Variants in RSRC1 observed in about 807,000 individuals in gnomAD.
RSRC1 encodes the protein serine/Arginine-related protein 53.
A neutral mutation model predicts 49.1 loss-of-function variants in RSRC1; 39 were observed. That is an observed-to-expected ratio of 0.79 (90% CI 0.61 to 1.04). The LOEUF (loss-of-function observed/expected upper bound fraction) is 1.04, where lower values mean the gene tolerates loss of function less well. Among genes scored for constraint, RSRC1 ranks in the 50% least tolerant of loss-of-function variants. The probability of loss-of-function intolerance (pLI) is 0.00; values close to 1 mark genes in which losing one functional copy is unlikely to be tolerated. For missense variants in RSRC1, 388 were observed against 402.4 expected (o/e 0.96, Z 0.31); for synonymous variants, 143 against 130.8 (o/e 1.09, Z -0.63).
At chr3:158,343,683 A>T (rs1730380230) in intron 5 of RSRC1, among the ~76,000 whole-genome samples, 1 of 152,208 alleles carries the variant, frequency 6.6e-6, no homozygotes, top group East Asian at 1.9e-4. Flanking sequence ...GAAATGAAAA[A>T]TACACTGGAT....
intron 7 of RSRC1, among the ~76,000 whole-genome samples, chr3:158,515,744 C>T (rs1477430653): frequency 3.3e-5 from 5 of 149,982 alleles, no homozygotes; most frequent in African/African-American, 7.5e-5. Flanking sequence ...ACCAATCAGA[C>T]GTAGATTTGG....
intron 7 of RSRC1, among the ~76,000 whole-genome samples, chr3:158,529,321 T>A (rs116704922): frequency 0.015 from 2,210 of 151,696 alleles, 45 homozygotes; most frequent in African/African-American, 0.051. Flanking sequence ...ATTTATTACT[T>A]ATTATAAATG....
chr3:158,287,612 A>G (rs1043355187), intron 4 of RSRC1, among the ~76,000 whole-genome samples: 14 of 152,328 alleles, frequency 9.2e-5, no homozygotes, highest in South Asian at 8.3e-4. Flanking sequence ...GCAGGATAGT[A>G]TGCAAACATT....
intron 7 of RSRC1, among the ~76,000 whole-genome samples, chr3:158,516,302 T>C (rs1740529822): frequency 6.6e-6 from 1 of 151,972 alleles, no homozygotes; most frequent in Admixed American, 6.6e-5. Flanking sequence ...TGTTTGTTAG[T>C]TTTCCTTCTA....
intron 8 of RSRC1, among the ~76,000 whole-genome samples, chr3:158,538,088 C>CCACA (rs1712818729): frequency 6.6e-6 from 1 of 151,814 alleles, no homozygotes; most frequent in Non-Finnish European, 1.5e-5. Context: ...TATCTGCCTC[C>CCACA]CACAGATATC....
At chr3:158,329,544 G>C (rs142151958) in intron 5 of RSRC1, among the ~76,000 whole-genome samples, 2,462 of 152,350 alleles carry the variant, frequency 0.016, 86 homozygotes, top group African/African-American at 0.056. Flanking sequence ...AGAGGCTGCA[G>C]AACAGCGAAT....
At chr3:158,165,370 A>T (rs1718474604) in intron 3 of RSRC1, among the ~76,000 whole-genome samples, 1 of 152,242 alleles carries the variant, frequency 6.6e-6, no homozygotes, top group African/African-American at 2.4e-5. Flanking sequence ...GTTAATAAGC[A>T]TCATTGCATC....
chr3:158,144,403 C>T (rs887804425), intron 3 of RSRC1, among the ~76,000 whole-genome samples: 13 of 151,770 alleles, frequency 8.6e-5, no homozygotes, highest in East Asian at 3.9e-4. Flanking sequence ...TTTGTCCTTG[C>T]GATAGTTTGC....
At chr3:158,298,678 A>G (rs950650894) in intron 5 of RSRC1, among the ~76,000 whole-genome samples, 1 of 152,124 alleles carries the variant, frequency 6.6e-6, no homozygotes, top group South Asian at 2.1e-4. Flanking sequence ...TACAATTGTA[A>G]TATGTTTGAA....
intron 5 of RSRC1, among the ~76,000 whole-genome samples, chr3:158,330,803 C>T (rs1235112586): frequency 1.3e-5 from 2 of 151,606 alleles, no homozygotes; most frequent in South Asian, 2.1e-4. Context: ...TTTATAATAC[C>T]GCTAATGAGG....
intron 3 of RSRC1, among the ~76,000 whole-genome samples, chr3:158,196,994 A>G (rs913057160): frequency 5.3e-5 from 8 of 152,184 alleles, no homozygotes; most frequent in African/African-American, 1.9e-4. Context: ...AGGCTTTGGT[A>G]TCAGAATGAT....
In RSRC1 at chr3:158,537,116, TA is replaced by T. The variant is rs767606125; in HGVS notation, c.682del (p.Arg228GlufsTer2). The T allele has an allele frequency of 1.2e-6, 2 of 1,607,958 alleles. No individual in the cohort carries two copies. Among genetic ancestry groups the T allele is most frequent in the South Asian group, 1.1e-5 (1 of 90,550 alleles). ...EEDQATLVEQVKRVKEIEAIE... is the reference protein window; with the variant it reads ...EEDQATLVEQXKRVKEIEAIE... ...GACCAAGCCACCCTGGTAGAACAAG[TA>T]AAAAGAGTAAAAGAAATTGAAGCTA... On this transcript the variant is annotated frameshift_variant, in exon 8 of 10. Transcript: ENST00000611884. LOFTEE classifies it high-confidence loss of function.
At position 158,423,275 on chromosome 3, in the gene RSRC1, A is replaced by G. The variant is rs547058862; in HGVS notation, c.584-37660A>G. ...TGTATAAGGTGTAAGGAAGGGATCC[A>G]GTTTCAGCTTTCTACATATGGCTAG... On this transcript the variant is annotated intron_variant, in intron 6 of 9. Coordinates refer to ENST00000611884, the MANE Select transcript of RSRC1 (RefSeq NM_001271838.2). Among the ~76,000 whole-genome samples the G allele has an allele frequency of 2.1e-3, 315 of 152,298 alleles. 4 individuals are homozygous for G. The highest frequency in any genetic ancestry group is 7.1e-3 in the African/African-American group (294 of 41,560).
chr3:158,442,356 A>G (rs1182653029), intron 6 of RSRC1, among the ~76,000 whole-genome samples: 1 of 152,134 alleles, frequency 6.6e-6, no homozygotes, highest in Non-Finnish European at 1.5e-5. Context: ...TTTATCAACT[A>G]AGTTTTTGTA....
At chr3:158,166,114 A>G (rs1718513145) in intron 3 of RSRC1, among the ~76,000 whole-genome samples, 1 of 152,194 alleles carries the variant, frequency 6.6e-6, no homozygotes, top group Non-Finnish European at 1.5e-5. Flanking sequence ...CCCCACAAGG[A>G]CACATGATAA....
intron 3 of RSRC1, among the ~76,000 whole-genome samples, chr3:158,182,490 C>T (rs540373737): frequency 2.0e-5 from 3 of 152,196 alleles, no homozygotes; most frequent in South Asian, 2.1e-4. Context: ...AGATATCCTA[C>T]GTCTTAGGAA....
intron 6 of RSRC1, among the ~76,000 whole-genome samples, chr3:158,431,326 A>G (rs138057942): frequency 1.6e-3 from 248 of 151,974 alleles, no homozygotes; most frequent in Middle Eastern, 3.4e-3. Context: ...GCTAACATAA[A>G]TTTTCTATTC....
intron 5 of RSRC1, among the ~76,000 whole-genome samples, chr3:158,306,330 A>G (rs899824799): frequency 6.6e-6 from 1 of 151,892 alleles, no homozygotes; most frequent in Non-Finnish European, 1.5e-5. Flanking sequence ...GTATTTTACA[A>G]CTTGGACTTT....
In RSRC1 at chr3:158,159,824, G is replaced by A. The variant is rs189294241; in HGVS notation, c.320+35833G>A. On this transcript the variant is annotated intron_variant, in intron 3 of 9. Transcript: ENST00000611884. Reference sequence around the variant, plus strand: ...CTGATGAGATCATTATTTGACTTACGAGCTACTAGTCATTTTTCAGTCATG... The same window carrying A: ...CTGATGAGATCATTATTTGACTTACAAGCTACTAGTCATTTTTCAGTCATG... 1.1e-3 allele frequency among the ~76,000 whole-genome samples: 166 copies of A among 151,922 alleles called. 1 individual carries two copies. The highest frequency in any genetic ancestry group is 1.9e-3 in the Non-Finnish European group (131 of 67,974).
Sources: allele counts gnomAD v4.1 joint callset (sites outside exome capture counted in the v4.1 genomes callset), GRCh38; gene constraint gnomAD v4.1.1; transcripts MANE v1.5; gene names NCBI Gene and HGNC (gene_info 2026-07-23, HGNC 2026-07-21).